SCLT1: variants seen among roughly 807,000 people sequenced by gnomAD.
SCLT1 encodes the protein sodium channel-associated protein 1.
In SCLT1, 78 loss-of-function variants were observed where a neutral mutation model predicts 112.8. The observed-to-expected ratio is 0.69, with a 90% CI of 0.58 to 0.83. The LOEUF (loss-of-function observed/expected upper bound fraction) is 0.83. SCLT1 is among the 40% of genes least tolerant of loss of function. SCLT1 has a pLI of 0.00. For synonymous variants in SCLT1, 257 were observed against 254.7 expected (o/e 1.01, Z -0.09); for missense variants, 747 against 770.4 (o/e 0.97, Z 0.36).
intron 3 of SCLT1, chr4:128,876,703 C>T (rs116067886): frequency 1.8e-3 from 269 of 152,332 alleles, no homozygotes; most frequent in African/African-American, 6.3e-3. Flanking sequence ...CAACTGTTCC[C>T]TGTACTACTT....
chr4:128,965,335 C>G lies in SCLT1; in HGVS notation c.778-17G>C. ...ATCCTTCTCCTAGAAAATAAAGAAA[C>G]TAGAAGCTTACTTTGAGTATGTGAA... On this transcript the variant is annotated splice_polypyrimidine_tract_variant and intron_variant, in intron 10 of 20. Coordinates refer to ENST00000281142, the MANE Select transcript of SCLT1 (RefSeq NM_144643.4). The G allele has an allele frequency of 6.6e-7, 1 of 1,509,004 alleles. No homozygotes were observed. The highest frequency in any genetic ancestry group is 9.2e-7 in the Non-Finnish European group (1 of 1,086,540). 93.5% of individuals were successfully genotyped at this position (1,509,004 alleles called of 1,614,324 possible). A position where few individuals can be genotyped will look rare whatever the true frequency, so the allele number is the denominator to read the frequency against.
At chr4:128,885,604 T>G (rs1159148219) in intron 20 of SCLT1, among the ~76,000 whole-genome samples, 1 of 152,212 alleles carries the variant, frequency 6.6e-6, no homozygotes, top group Non-Finnish European at 1.5e-5. Flanking sequence ...TGGTTTTTAA[T>G]CTTTTAAAAG....
intron 17 of SCLT1, among the ~76,000 whole-genome samples, chr4:128,937,924 T>C (rs1298825416): frequency 6.6e-6 from 1 of 152,198 alleles, no homozygotes; most frequent in Non-Finnish European, 1.5e-5. Flanking sequence ...GTGTCTACAA[T>C]GTAACTACCT....
rs572673210 is a variant in SCLT1 at position 129,078,750 on chromosome 4, A to G, written c.102+3556T>C. ...TTTTAATACTAAAAACAAGCTCTTC[A>G]CTTTTAATACCTTGAAAATAATTTT... On this transcript the variant is annotated intron_variant, in intron 2 of 20. Transcript: ENST00000281142. 2.0e-5 allele frequency among the ~76,000 whole-genome samples: 3 copies of G among 152,310 alleles called. No homozygotes were observed. The East Asian group carries it at 5.8e-4, about 29-fold the overall frequency.
intron 9 of SCLT1, among the ~76,000 whole-genome samples, chr4:128,985,030 T>A (rs543503272): frequency 6.6e-6 from 1 of 152,300 alleles, no homozygotes; most frequent in African/African-American, 2.4e-5. Flanking sequence ...TCTAACTACA[T>A]CTTTACATGT....
chr4:129,059,881 G>T (rs1749795393), intron 2 of SCLT1, among the ~76,000 whole-genome samples: 1 of 152,110 alleles, frequency 6.6e-6, no homozygotes, highest in African/African-American at 2.4e-5. Context: ...GGATCCAGAT[G>T]TCCATATCTC....
intron 10 of SCLT1, among the ~76,000 whole-genome samples, chr4:128,967,570 C>T (rs1312560092): frequency 6.6e-6 from 1 of 152,170 alleles, no homozygotes; most frequent in African/African-American, 2.4e-5. Flanking sequence ...GAGATGGTAT[C>T]TCATTGCGAT....
intron 2 of SCLT1, among the ~76,000 whole-genome samples, chr4:129,055,168 C>A (rs1749238995): frequency 6.6e-6 from 1 of 152,176 alleles, no homozygotes; most frequent in African/African-American, 2.4e-5. Flanking sequence ...TGGCCTAATG[C>A]CAGCTGGAGC....
intron 18 of SCLT1, among the ~76,000 whole-genome samples, chr4:128,906,859 A>G (rs1734732332): frequency 6.6e-6 from 1 of 152,230 alleles, no homozygotes; most frequent in Admixed American, 6.5e-5. Flanking sequence ...AATATTGGAA[A>G]GCTACTAGGC....
intron 9 of SCLT1, among the ~76,000 whole-genome samples, chr4:128,983,529 A>G (rs1002493716): frequency 2.0e-5 from 3 of 152,148 alleles, no homozygotes; most frequent in Non-Finnish European, 4.4e-5. Flanking sequence ...AAAATTATAA[A>G]TTTTCTGAGA....
chr4:128,949,109 T>A (rs990697242), intron 14 of SCLT1, among the ~76,000 whole-genome samples: 3 of 152,206 alleles, frequency 2.0e-5, no homozygotes, highest in Admixed American at 1.3e-4. Flanking sequence ...GATAATAAAA[T>A]TTAACATTTT....
chr4:128,924,192 A>AT (rs557643989), intron 18 of SCLT1, among the ~76,000 whole-genome samples: 3 of 151,808 alleles, frequency 2.0e-5, no homozygotes, highest in Admixed American at 6.6e-5. Flanking sequence ...ACTAATTGCA[A>AT]TTTTTTTCTC....
chr4:128,949,834 G>T (rs866127200), intron 14 of SCLT1, among the ~76,000 whole-genome samples: 4 of 128,614 alleles, frequency 3.1e-5, no homozygotes, highest in Non-Finnish European at 6.3e-5. Flanking sequence ...GTGGGGTATG[G>T]CTTTTTTTCC....
intron 18 of SCLT1, among the ~76,000 whole-genome samples, chr4:128,907,709 C>T (rs1194392829): frequency 6.7e-6 from 1 of 150,254 alleles, no homozygotes; most frequent in Non-Finnish European, 1.5e-5. Flanking sequence ...TTCTGTTTTT[C>T]TCTATCATAG....
chr4:129,054,554 T>C (rs1422191747), intron 2 of SCLT1, among the ~76,000 whole-genome samples: 1 of 152,076 alleles, frequency 6.6e-6, no homozygotes, highest in East Asian at 1.9e-4. Flanking sequence ...CTATTGATAG[T>C]TACGTATGCT....
intron 2 of SCLT1, among the ~76,000 whole-genome samples, chr4:129,075,771 G>T (rs539684390): frequency 6.6e-6 from 1 of 152,230 alleles, no homozygotes; most frequent in South Asian, 2.1e-4. Context: ...AACTCAAATA[G>T]TACAGGTGAA....
At position 128,959,773 on chromosome 4, in the gene SCLT1, A is replaced by G; in HGVS notation, c.874T>C (p.Cys292Arg). The G allele has an allele frequency of 1.2e-6, 2 of 1,611,544 alleles. No homozygotes were observed. The highest frequency in any genetic ancestry group is 1.7e-6 in the Non-Finnish European group (2 of 1,178,784). The stretch of plus-strand genomic sequence containing the variant: ...TGGTTGGCTTCTTGGATTGTCACAC[A>G]TAATCTAGAAATCAATAATTACACT... ...SSIKQLEIRL[C>R]VTIQEANQLR... The change falls in exon 12 of 21, where the codon TGT (cysteine) becomes CGT (arginine). Residue 292 changes from cysteine (C) to arginine (R), a missense_variant. By Grantham distance (180) the Cys-to-Arg change is radical (BLOSUM62 -3). Transcript: ENST00000281142.
At chr4:129,039,894 G>GCA (rs1747524715) in intron 4 of SCLT1, 1 of 202,268 alleles carries the variant, frequency 4.9e-6, no homozygotes, top group Non-Finnish European at 8.5e-6. Flanking sequence ...GAGAGTGTGC[G>GCA]CGCGCGCACA....
intron 17 of SCLT1, among the ~76,000 whole-genome samples, chr4:128,940,710 T>C (rs983110536): frequency 6.6e-6 from 1 of 151,886 alleles, no homozygotes; most frequent in Non-Finnish European, 1.5e-5. Flanking sequence ...GTTAGAAGTA[T>C]TATCTGAGTT....
Sources: allele counts gnomAD v4.1 joint callset (sites outside exome capture counted in the v4.1 genomes callset), GRCh38; gene constraint gnomAD v4.1.1; transcripts MANE v1.5; gene names NCBI Gene and HGNC (gene_info 2026-07-23, HGNC 2026-07-21).